Variants in CNOT6L observed in about 807,000 individuals in gnomAD.
The protein encoded by CNOT6L is CCR4-NOT transcription complex subunit 6 like.
In CNOT6L, 7 loss-of-function variants were observed where a neutral mutation model predicts 64.0. The observed-to-expected ratio is 0.11, with a 90% confidence interval of 0.06 to 0.21. The LOEUF is 0.21. Among genes scored for constraint, CNOT6L ranks in the 10% least tolerant of loss-of-function variants. CNOT6L has a pLI of 1.00. For synonymous variants in CNOT6L, 193 were observed against 243.4 expected (o/e 0.79, Z 1.93); for missense variants, 245 against 669.0 (o/e 0.37, Z 6.99).
intron 1 of CNOT6L, among the ~76,000 whole-genome samples, chr4:77,816,714 C>T (rs1733624704): frequency 6.6e-6 from 1 of 152,072 alleles, no homozygotes; most frequent in South Asian, 2.1e-4. Flanking sequence ...ATTACGTAAG[C>T]CCTACTGGGA....
At position 77,768,393 on chromosome 4, in the gene CNOT6L, G is replaced by T. The variant is rs867562980; in HGVS notation, c.400+4688C>A. On this transcript the variant is annotated intron_variant, in intron 4 of 11. Transcript: ENST00000504123. ...AGGCAGGAGAATCACTTGAACCCGT[G>T]GGGTAGAGGTTGCAGTGGCCGAGAT... Among the ~76,000 whole-genome samples the T allele has an allele frequency of 5.2e-4, 78 of 151,230 alleles. No homozygotes were observed. In the Middle Eastern group the frequency reaches 0.017, roughly 33 times the overall value.
intron 1 of CNOT6L, among the ~76,000 whole-genome samples, chr4:77,807,800 G>T (rs1440713982): frequency 6.6e-6 from 1 of 152,184 alleles, no homozygotes; most frequent in African/African-American, 2.4e-5. Flanking sequence ...ATCTTAGGAA[G>T]TACACAGGTT....
intron 1 of CNOT6L, among the ~76,000 whole-genome samples, chr4:77,804,027 G>C (rs1182033588): frequency 2.0e-5 from 3 of 152,058 alleles, no homozygotes; most frequent in Admixed American, 6.5e-5. Context: ...TCCACTCTTA[G>C]GTATACACCC....
At chr4:77,775,612 C>T (rs1728060618) in intron 2 of CNOT6L, among the ~76,000 whole-genome samples, 1 of 152,104 alleles carries the variant, frequency 6.6e-6, no homozygotes. Context: ...TGGATTTCAC[C>T]AGTTTTTATA....
chr4:77,779,145 A>C (rs1356382430), intron 1 of CNOT6L, among the ~76,000 whole-genome samples: 1 of 151,216 alleles, frequency 6.6e-6, no homozygotes, highest in Admixed American at 6.6e-5. Flanking sequence ...ACTAGATGGT[A>C]TGTTCCTTAA....
In CNOT6L at chr4:77,743,317, G is replaced by T. The variant is rs11947817; in HGVS notation, c.718-1022C>A. Among the ~76,000 whole-genome samples, 983 of 151,968 alleles carry T rather than the reference G, an allele frequency of 6.5e-3. 12 individuals carry two copies. Among genetic ancestry groups the T allele is most frequent in the African/African-American group, 0.023 (957 of 41,450 alleles). On this transcript the variant is annotated intron_variant, in intron 7 of 11. Coordinates refer to ENST00000504123, the MANE Select transcript of CNOT6L (RefSeq NM_144571.3). ...CTATCCTTCAAACTGCTATATTTAG[G>T]AGGGTGTGAGGCTGTTATCACTACA...
At chr4:77,757,416 T>C (rs1725696240) in intron 4 of CNOT6L, among the ~76,000 whole-genome samples, 2 of 152,172 alleles carry the variant, frequency 1.3e-5, no homozygotes, top group Non-Finnish European at 2.9e-5. Context: ...AGAAAATGTG[T>C]TACCAAGATA....
chr4:77,814,600 A>G (rs945761519), intron 1 of CNOT6L, among the ~76,000 whole-genome samples: 1 of 152,196 alleles, frequency 6.6e-6, no homozygotes, highest in African/African-American at 2.4e-5. Flanking sequence ...GTACAATAAT[A>G]GGTGCACAGT....
rs1194644985 is a variant in CNOT6L, at chr4:77,718,889, T to C, written c.*1542A>G. On this transcript the variant is annotated 3_prime_UTR_variant, in exon 12 of 12. Transcript: ENST00000504123. ...TTAAATTTGACCTATACTTTATATA[T>C]TAGTGAGACACAAATATAGGCTATT... 1.3e-5 allele frequency: 2 copies of C among 152,596 alleles called. No homozygotes were observed. The highest frequency in any genetic ancestry group is 2.9e-5 in the Non-Finnish European group (2 of 68,020). The allele number at this position is 152,596 out of a possible 1,614,324, so 9.5% of individuals were successfully genotyped here.
At chr4:77,722,601 G>A (rs1411926041) in intron 11 of CNOT6L, among the ~76,000 whole-genome samples, 1 of 152,122 alleles carries the variant, frequency 6.6e-6, no homozygotes, top group Non-Finnish European at 1.5e-5. Context: ...TCAACTGCTA[G>A]AGTTCTTTGC....
intron 1 of CNOT6L, among the ~76,000 whole-genome samples, chr4:77,788,518 A>C (rs1729718530): frequency 6.6e-6 from 1 of 152,204 alleles, no homozygotes; most frequent in South Asian, 2.1e-4. Context: ...GCCTGAGCTC[A>C]GGAGTTCAAG....
Position 77,778,609 on chromosome 4 carries a change from G to A in CNOT6L, c.6-2217C>T, listed in dbSNP as rs531954454. 2.6e-5 allele frequency among the ~76,000 whole-genome samples: 4 copies of A among 151,868 alleles called. No homozygotes were observed. In the East Asian group the frequency reaches 5.9e-4, roughly 22 times the overall value. ...TTAGTAGAGATGGGGGTTTCACCACGTTGGTCAAGCTGGTCTCGAACTCCT... is the reference window on the plus strand; with the variant it reads ...TTAGTAGAGATGGGGGTTTCACCACATTGGTCAAGCTGGTCTCGAACTCCT... On this transcript the variant is annotated intron_variant, in intron 1 of 11. Transcript: ENST00000504123.
chr4:77,756,994 G>A (rs772960054), intron 4 of CNOT6L, 43 bp from the exon 5 acceptor site: 15 of 1,007,020 alleles, frequency 1.5e-5, no homozygotes, highest in African/African-American at 6.5e-5. Context: ...ACTTATAACT[G>A]CAAGGCAAGA....
chr4:77,777,466 T>C (rs1283832213), intron 1 of CNOT6L, among the ~76,000 whole-genome samples: 4 of 152,212 alleles, frequency 2.6e-5, no homozygotes, highest in Admixed American at 2.6e-4. Context: ...ATGTGCTATG[T>C]ATGAAGTAGG....
At chr4:77,803,647 T>C (rs1449870130) in intron 1 of CNOT6L, among the ~76,000 whole-genome samples, 1 of 152,170 alleles carries the variant, frequency 6.6e-6, no homozygotes, top group Non-Finnish European at 1.5e-5. Context: ...CTCATGCCTA[T>C]AATCCCATCA....
chr4:77,740,626 T>C (rs1723476555), intron 8 of CNOT6L, among the ~76,000 whole-genome samples: 1 of 152,252 alleles, frequency 6.6e-6, no homozygotes, highest in Non-Finnish European at 1.5e-5. Flanking sequence ...GCTTTAAAAT[T>C]TGAACAAGAC....
At chr4:77,746,052 T>C (rs1641143707) in intron 6 of CNOT6L, among the ~76,000 whole-genome samples, 1 of 152,212 alleles carries the variant, frequency 6.6e-6, no homozygotes. Flanking sequence ...GCCACTACAC[T>C]GTGAAGTAAG....
chr4:77,766,544 G>GAA (rs71661131), intron 4 of CNOT6L, among the ~76,000 whole-genome samples: 1 of 144,098 alleles, frequency 6.9e-6, no homozygotes, highest in Admixed American at 6.9e-5. Context: ...AACTGGAAAA[G>GAA]AAAAAAAAAA....
chr4:77,726,155 G>A lies in CNOT6L; in HGVS notation c.1455+12C>T, dbSNP rs1293334954. ...AAATAATTTCTACACCTGCCCAAAG[G>A]CTGCCACTCACTTTGAAATCAAAGG... On this transcript the variant is annotated intron_variant, in intron 11 of 11. Transcript: ENST00000504123. 6.2e-7 allele frequency: 1 copy of A among 1,611,100 alleles called. No homozygotes were observed. The highest frequency in any genetic ancestry group is 1.3e-5 in the African/African-American group (1 of 74,816).
Sources: allele counts gnomAD v4.1 joint callset (sites outside exome capture counted in the v4.1 genomes callset), GRCh38; gene constraint gnomAD v4.1.1; transcripts MANE v1.5; gene names NCBI Gene and HGNC (gene_info 2026-07-23, HGNC 2026-07-21).